The following TFCP2 variants were observed in gnomAD, a reference collection of about 807,000 sequenced individuals.
The protein encoded by TFCP2 is transcription factor CP2.
TFCP2 carries 33 observed loss-of-function variants against 73.4 expected under a neutral mutation model. The ratio of observed to expected loss-of-function variants is 0.45; its 90% CI spans 0.34 to 0.60. The LOEUF is 0.60. Among genes scored for constraint, TFCP2 ranks in the 20% least tolerant of loss-of-function variants. The probability of loss-of-function intolerance (pLI) is 0.01; values close to 1 mark genes in which losing one functional copy is unlikely to be tolerated. For missense variants in TFCP2, 352 were observed against 604.0 expected, an observed-to-expected ratio of 0.58 and a Z score of 4.37; for synonymous variants, 193 against 211.6, an observed-to-expected ratio of 0.91 and a Z score of 0.76.
intron 1 of TFCP2, among the ~76,000 whole-genome samples, chr12:51,144,291 T>C (rs2137019970): frequency 6.6e-6 from 1 of 152,198 alleles, no homozygotes; most frequent in South Asian, 2.1e-4. Flanking sequence ...ACCTTAGCCT[T>C]CCAAAATGCT....
chr12:51,115,430 C>T (rs1010547206), intron 4 of TFCP2, among the ~76,000 whole-genome samples: 5 of 151,978 alleles, frequency 3.3e-5, no homozygotes, highest in Non-Finnish European at 7.4e-5. Context: ...GAAATTGGAA[C>T]CTTTGAGTAC....
intron 1 of TFCP2, among the ~76,000 whole-genome samples, chr12:51,129,315 C>A (rs1365988406): frequency 3.3e-5 from 5 of 151,746 alleles, no homozygotes; most frequent in Non-Finnish European, 5.9e-5. Flanking sequence ...AGTTTGAGAC[C>A]AGCCCGGCCA....
chr12:51,103,785 T>A, intron 9 of TFCP2, 22 bp from the exon 10 acceptor site: 1 of 1,589,510 alleles, frequency 6.3e-7, no homozygotes, highest in Non-Finnish European at 8.6e-7. Context: ...AGCACGTTTT[T>A]TAGATAACCA....
At chr12:51,112,152 G>C (rs1348293361) in intron 4 of TFCP2, among the ~76,000 whole-genome samples, 1 of 152,050 alleles carries the variant, frequency 6.6e-6, no homozygotes, top group Non-Finnish European at 1.5e-5. Flanking sequence ...GAGCAAGACT[G>C]TCTCGAAAAA....
intron 1 of TFCP2, among the ~76,000 whole-genome samples, chr12:51,149,042 CAGAA>C (rs1941364878): frequency 1.8e-5 from 1 of 56,916 alleles, no homozygotes; most frequent in Admixed American, 1.8e-4. Context: ...AAAAAAAAAA[CAGAA>C]AGAAAGAAAA....
At chr12:51,151,886 A>G (rs1452312286) in intron 1 of TFCP2, among the ~76,000 whole-genome samples, 1 of 152,228 alleles carries the variant, frequency 6.6e-6, no homozygotes, top group Admixed American at 6.5e-5. Flanking sequence ...CATTGATAAA[A>G]AATAATAGGA....
At chr12:51,162,445 C>CAAA (rs34045047) in intron 1 of TFCP2, among the ~76,000 whole-genome samples, 24 of 109,752 alleles carry the variant, frequency 2.2e-4, no homozygotes, top group African/African-American at 7.9e-4. Flanking sequence ...GACTCCATCT[C>CAAA]AAAAAAAAAA....
At chr12:51,099,907 G>T in intron 11 of TFCP2, 128 bp from the exon 12 acceptor site, 1 of 1,153,540 alleles carries the variant, frequency 8.7e-7, no homozygotes, top group Non-Finnish European at 1.2e-6. Context: ...TTGGCCAAAT[G>T]CAATTAATTT....
At chr12:51,124,114 T>C (rs1940745579) in intron 1 of TFCP2, among the ~76,000 whole-genome samples, 1 of 152,170 alleles carries the variant, frequency 6.6e-6, no homozygotes, top group Non-Finnish European at 1.5e-5. Context: ...TTTTTCTTTT[T>C]TGAGGGGGTC....
rs1434376389 is a variant in TFCP2, at chr12:51,094,482, G to A, written c.*759C>T. 6.6e-6 allele frequency: 1 copy of A among 152,258 alleles called. No homozygotes were observed. Among genetic ancestry groups the A allele is most frequent in the Non-Finnish European group, 1.5e-5 (1 of 68,100 alleles). The allele number at this position is 152,258 out of a possible 1,614,324, so 9.4% of individuals were successfully genotyped here. A position where few individuals can be genotyped will look rare whatever the true frequency, so the allele number is the denominator to read the frequency against. ...CTGGTGGTATGAGAGGGTGAATAAG[G>A]AGGGCCAGATTGCCTGGTTTGGATT... On this transcript the variant is annotated 3_prime_UTR_variant, in exon 15 of 15. Transcript: ENST00000257915.
chr12:51,165,713 T>C (rs1941743912), intron 1 of TFCP2, among the ~76,000 whole-genome samples: 1 of 152,200 alleles, frequency 6.6e-6, no homozygotes, highest in Admixed American at 6.6e-5. Flanking sequence ...TGTACTTAAT[T>C]ACACTGATCT....
intron 1 of TFCP2, among the ~76,000 whole-genome samples, chr12:51,128,078 C>A (rs1220214633): frequency 6.6e-6 from 1 of 152,000 alleles, no homozygotes; most frequent in East Asian, 1.9e-4. Context: ...CACCACCATG[C>A]CCAGCTAATT....
intron 1 of TFCP2, among the ~76,000 whole-genome samples, chr12:51,154,434 C>T (rs1479059630): frequency 2.6e-5 from 4 of 152,148 alleles, no homozygotes; most frequent in Admixed American, 1.3e-4. Flanking sequence ...TGGCTCACGC[C>T]GGTAATCCCA....
chr12:51,144,874 C>A (rs1165874107), intron 1 of TFCP2, among the ~76,000 whole-genome samples: 1 of 151,966 alleles, frequency 6.6e-6, no homozygotes, highest in Non-Finnish European at 1.5e-5. Context: ...CCAGCCTGGC[C>A]AACATGGCAA....
chr12:51,140,947 T>C (rs1332781472), intron 1 of TFCP2, among the ~76,000 whole-genome samples: 1 of 151,652 alleles, frequency 6.6e-6, no homozygotes, highest in Non-Finnish European at 1.5e-5. Flanking sequence ...TCCCAGCTAC[T>C]TGGGAGGCTG....
intron 11 of TFCP2, among the ~76,000 whole-genome samples, chr12:51,100,671 C>T (rs533890036): frequency 4.5e-4 from 69 of 152,190 alleles, no homozygotes; most frequent in African/African-American, 1.6e-3. Flanking sequence ...CAAAATTAGG[C>T]GGGCGTGGTG....
chr12:51,152,977 TTGG>T (rs1555146854), intron 1 of TFCP2, among the ~76,000 whole-genome samples: 2 of 152,184 alleles, frequency 1.3e-5, no homozygotes, highest in South Asian at 2.1e-4. Context: ...GCAACCATCA[TTGG>T]TGGTGATACT....
At chr12:51,158,257 G>GC (rs921634359) in intron 1 of TFCP2, among the ~76,000 whole-genome samples, 24 of 151,706 alleles carry the variant, frequency 1.6e-4, no homozygotes, top group African/African-American at 5.6e-4. Flanking sequence ...CCTCAAGAGA[G>GC]CCCCCCCATT....
intron 1 of TFCP2, chr12:51,124,736 A>G: frequency 1.4e-6 from 1 of 720,202 alleles, no homozygotes; most frequent in South Asian, 1.4e-5. Context: ...AGTCGCCCTC[A>G]GCAGAGATCA....
Sources: gnomAD v4.1 joint callset for allele counts (sites outside exome capture counted in the v4.1 genomes callset) on GRCh38, gnomAD v4.1.1 for gene constraint, MANE v1.5 for transcripts, NCBI Gene and HGNC (gene_info 2026-07-23, HGNC 2026-07-21) for gene names.